The following PLCB4 variants were observed in gnomAD, a reference collection of about 807,000 sequenced individuals.
PLCB4 encodes phospholipase C beta 4, also known as 1-phosphatidylinositol 4,5-bisphosphate phosphodiesterase beta-4.
In PLCB4, 77 loss-of-function variants were observed where a neutral mutation model predicts 178.8. The observed-to-expected ratio is 0.43, with a 90% CI of 0.36 to 0.52. The LOEUF (loss-of-function observed/expected upper bound fraction) is 0.52, where lower values mean the gene tolerates loss of function less well. PLCB4 is among the 20% of genes least tolerant of loss of function. The pLI is 0.00. For synonymous variants in PLCB4, 496 were observed against 490.8 expected (o/e 1.01, Z -0.14); for missense variants, 1,024 against 1,453.4 (o/e 0.70, Z 4.80).
intron 3 of PLCB4, among the ~76,000 whole-genome samples, chr20:9,240,576 A>AT (rs2094048117): frequency 1.3e-5 from 2 of 151,644 alleles, no homozygotes; most frequent in South Asian, 2.1e-4. Flanking sequence ...TCTGAGCTTG[A>AT]TTTTTTCCTG....
chr20:9,219,587 C>T (rs1030611653), intron 3 of PLCB4, among the ~76,000 whole-genome samples: 1 of 152,196 alleles, frequency 6.6e-6, no homozygotes, highest in Non-Finnish European at 1.5e-5. Context: ...CCAGATGTCA[C>T]CTGGTGGTTG....
intron 1 of PLCB4, among the ~76,000 whole-genome samples, chr20:9,073,734 A>C (rs1167566636): frequency 1.3e-5 from 2 of 151,950 alleles, no homozygotes; most frequent in Non-Finnish European, 2.9e-5. Flanking sequence ...AATACCAATA[A>C]AAAAATTAGC....
chr20:9,123,620 A>G lies in PLCB4; in HGVS notation c.-79+27278A>G, dbSNP rs188387727. ...TTCCACCTTCTCTCTTCATTTTCTC[A>G]TCTTCCCTAGAGGCAATTACCATGA... On this transcript the variant is annotated intron_variant, in intron 2 of 39. Transcript: ENST00000378473. Among the ~76,000 whole-genome samples, 24 of 151,964 alleles carry G rather than the reference A, an allele frequency of 1.6e-4. 1 individual carries two copies. The highest frequency in any genetic ancestry group is 5.1e-4 in the African/African-American group (21 of 41,472).
In PLCB4 at chr20:9,362,962, T is replaced by A; in HGVS notation, c.436T>A (p.Cys146Ser). 6.2e-7 allele frequency: 1 copy of A among 1,609,654 alleles called. No homozygotes were observed. Among genetic ancestry groups the A allele is most frequent in the Non-Finnish European group, 8.5e-7 (1 of 1,176,036 alleles). Residue 146 changes from cysteine (C) to serine (S), a missense_variant, in exon 8 of 40, where the codon TGC (cysteine) becomes AGC (serine). Transcript: ENST00000378473. ...GGCCAACAACGTCAGTCCAATGACA[T>A]GCCTCAAGAAACAGTGAGTGTTGTT... ...FRANNVSPMT[C>S]LKKHWMKLAF...
At chr20:9,417,063 A>G (rs1385968516) in intron 25 of PLCB4, among the ~76,000 whole-genome samples, 2 of 152,208 alleles carry the variant, frequency 1.3e-5, no homozygotes, top group African/African-American at 4.8e-5. Context: ...GCTTCTAAGA[A>G]AAATTAGAGA....
chr20:9,422,486 G>A (rs2040712669), intron 27 of PLCB4, among the ~76,000 whole-genome samples: 1 of 152,122 alleles, frequency 6.6e-6, no homozygotes, highest in African/African-American at 2.4e-5. Context: ...ATTTGTTATA[G>A]CTGGATCCGT....
intron 3 of PLCB4, among the ~76,000 whole-genome samples, chr20:9,278,011 T>C (rs551445400): frequency 1.6e-4 from 25 of 152,170 alleles, no homozygotes; most frequent in African/African-American, 5.5e-4. Flanking sequence ...TTTATGCTAT[T>C]TGTATTCAAT....
chr20:9,216,019 C>A (rs1424644855), intron 2 of PLCB4, among the ~76,000 whole-genome samples: 3 of 152,134 alleles, frequency 2.0e-5, no homozygotes, highest in Non-Finnish European at 4.4e-5. Flanking sequence ...ATGTACCAAC[C>A]TACCTGAGAC....
intron 2 of PLCB4, among the ~76,000 whole-genome samples, chr20:9,151,186 T>C (rs2092684560): frequency 6.6e-6 from 1 of 152,164 alleles, no homozygotes; most frequent in African/African-American, 2.4e-5. Flanking sequence ...GCATTTACAT[T>C]GTATTGGGTA....
chr20:9,318,774 A>G (rs1346685592), intron 4 of PLCB4, among the ~76,000 whole-genome samples: 1 of 152,240 alleles, frequency 6.6e-6, no homozygotes, highest in Non-Finnish European at 1.5e-5. Context: ...AGGCAGTTTC[A>G]TAAGGAACTA....
At chr20:9,190,633 C>T (rs1314758327) in intron 2 of PLCB4, among the ~76,000 whole-genome samples, 2 of 152,170 alleles carry the variant, frequency 1.3e-5, no homozygotes, top group African/African-American at 2.4e-5. Context: ...TCAGGATTTG[C>T]TGACAGACTG....
intron 1 of PLCB4, among the ~76,000 whole-genome samples, chr20:9,070,397 C>G (rs558151358): frequency 1.3e-5 from 2 of 152,208 alleles, no homozygotes; most frequent in African/African-American, 4.8e-5. Flanking sequence ...TGAACTGAGA[C>G]CCTCATATTT....
chr20:9,283,885 C>G lies in PLCB4; in HGVS notation c.-15-23915C>G, dbSNP rs563400479. The stretch of plus-strand genomic sequence containing the variant: ...ATGTTCCATTTAATTGTTTTCTATC[C>G]CTGAGTCACCAACACTTAAGGCCAC... On this transcript the variant is annotated intron_variant, in intron 3 of 39. Coordinates refer to ENST00000378473, the MANE Select transcript of PLCB4 (RefSeq NM_001377142.1). 7.9e-5 allele frequency among the ~76,000 whole-genome samples: 12 copies of G among 151,890 alleles called. No homozygotes were observed. In the South Asian group the frequency reaches 2.3e-3, roughly 29 times the overall value.
chr20:9,162,859 A>T (rs1461441300), intron 2 of PLCB4, among the ~76,000 whole-genome samples: 2 of 152,136 alleles, frequency 1.3e-5, no homozygotes, highest in Admixed American at 1.3e-4. Context: ...TACTTTACAT[A>T]TTGTTCTGAA....
intron 28 of PLCB4, among the ~76,000 whole-genome samples, chr20:9,428,475 G>A (rs757128547): frequency 1.3e-5 from 2 of 152,170 alleles, no homozygotes; most frequent in Non-Finnish European, 2.9e-5. Flanking sequence ...CCCAAGGGGA[G>A]GGGGAGAACA....
chr20:9,270,824 CA>C (rs1199137332), intron 3 of PLCB4, among the ~76,000 whole-genome samples: 1 of 148,800 alleles, frequency 6.7e-6, no homozygotes, highest in South Asian at 2.1e-4. Context: ...ATGAGTTTTC[CA>C]AAAAAAAACA....
chr20:9,429,297 C>G (rs1452092178), intron 28 of PLCB4, among the ~76,000 whole-genome samples: 1 of 152,120 alleles, frequency 6.6e-6, no homozygotes, highest in African/African-American at 2.4e-5. Flanking sequence ...TGGCTCCCCC[C>G]AGCAAGGCCT....
chr20:9,470,720 G>A (rs2044133898), intron 36 of PLCB4, among the ~76,000 whole-genome samples: 1 of 152,030 alleles, frequency 6.6e-6, no homozygotes, highest in South Asian at 2.1e-4. Flanking sequence ...AACTGTATGG[G>A]GGTACGTGAG....
chr20:9,210,192 T>TA (rs1246902114), intron 2 of PLCB4, among the ~76,000 whole-genome samples: 1 of 152,150 alleles, frequency 6.6e-6, no homozygotes, highest in African/African-American at 2.4e-5. Context: ...ATAACACCCA[T>TA]AAAAAACTTG....
Sources: allele counts gnomAD v4.1 joint callset (sites outside exome capture counted in the v4.1 genomes callset), GRCh38; gene constraint gnomAD v4.1.1; transcripts MANE v1.5; gene names NCBI Gene and HGNC (gene_info 2026-07-23, HGNC 2026-07-21).